The following NPAS3 variants were observed in gnomAD, a reference collection of about 807,000 sequenced individuals.
NPAS3 encodes the protein neuronal PAS domain-containing protein 3.
In NPAS3, 14 loss-of-function variants were observed where a neutral mutation model predicts 73.1. That is an observed-to-expected ratio of 0.19 (90% CI 0.13 to 0.30). The LOEUF (loss-of-function observed/expected upper bound fraction) is 0.30. Among genes scored for constraint, NPAS3 ranks in the 10% least tolerant of loss-of-function variants. NPAS3 has a pLI of 1.00. For synonymous variants in NPAS3, 620 were observed against 541.5 expected (o/e 1.14, Z -2.01); for missense variants, 1,096 against 1,250.0 (o/e 0.88, Z 1.86).
intron 7 of NPAS3, among the ~76,000 whole-genome samples, chr14:33,755,092 G>A (rs560665940): frequency 6.6e-6 from 1 of 152,160 alleles, no homozygotes; most frequent in African/African-American, 2.4e-5. Flanking sequence ...ATTTGACTTT[G>A]GGGAACTCAT....
chr14:33,746,992 G>A (rs1376248714), intron 7 of NPAS3, among the ~76,000 whole-genome samples: 2 of 150,878 alleles, frequency 1.3e-5, no homozygotes, highest in African/African-American at 4.9e-5. Flanking sequence ...AGAATATGCA[G>A]TGTTTGGTTT....
rs1270956502 is a variant in NPAS3, at chr14:33,800,473, C to T, written c.2166C>T (p.Asp722=). Reference sequence around the variant, plus strand: ...CGGTCCTCACCCCGCCCGGCGCCGACGGCGCGGCCGCCCGCAAGACTCAGT... The same window carrying T: ...CGGTCCTCACCCCGCCCGGCGCCGATGGCGCGGCCGCCCGCAAGACTCAGT... Residue 722 remains aspartate (D), a synonymous_variant, in exon 12 of 12, where the codon GAC becomes GAT. Coordinates refer to ENST00000356141, the Ensembl canonical transcript of NPAS3. This position sits in a 1 kb window ranked among gnomAD's most constrained non-coding sequence, Gnocchi z 6.5. The T allele has an allele frequency of 1.3e-6, 2 of 1,486,222 alleles. No homozygotes were observed. The highest frequency in any genetic ancestry group is 1.3e-5 in the South Asian group (1 of 76,310). The allele number at this position is 1,486,222 out of a possible 1,614,324, so 92.1% of individuals were successfully genotyped here. A position where few individuals can be genotyped will look rare whatever the true frequency, so the allele number is the denominator to read the frequency against.
chr14:33,069,471 A>G (rs566406381), intron 2 of NPAS3, among the ~76,000 whole-genome samples: 49 of 152,338 alleles, frequency 3.2e-4, no homozygotes, highest in African/African-American at 1.1e-3. Context: ...GCGGAATGCA[A>G]TAGGAGAATG....
At chr14:33,348,572 G>A (rs1219366268) in intron 3 of NPAS3, among the ~76,000 whole-genome samples, 1 of 152,172 alleles carries the variant, frequency 6.6e-6, no homozygotes, top group Non-Finnish European at 1.5e-5. Flanking sequence ...TCCAGGACAA[G>A]ATTGTTTATT....
At chr14:33,337,400 A>G (rs953449323) in intron 3 of NPAS3, among the ~76,000 whole-genome samples, 1 of 152,094 alleles carries the variant, frequency 6.6e-6, no homozygotes, top group East Asian at 1.9e-4. Context: ...TCAATTGACT[A>G]TACACATGAG....
chr14:33,364,052 T>C (rs1566834249), intron 3 of NPAS3, among the ~76,000 whole-genome samples: 1 of 152,122 alleles, frequency 6.6e-6, no homozygotes, highest in Non-Finnish European at 1.5e-5. Flanking sequence ...GTAGATCAGA[T>C]GAAACTGTGA....
chr14:33,142,191 CTTTTTTTTTTT>C (rs10709910), intron 2 of NPAS3, among the ~76,000 whole-genome samples: 1 of 38,084 alleles, frequency 2.6e-5, no homozygotes, highest in Admixed American at 4.2e-4. Flanking sequence ...TTTGTATAAG[CTTTTTTTTTTT>C]TTTTTTTTTT....
intron 7 of NPAS3, among the ~76,000 whole-genome samples, chr14:33,767,141 G>A (rs907358495): frequency 9.2e-5 from 14 of 152,134 alleles, no homozygotes; most frequent in African/African-American, 2.9e-4. Flanking sequence ...TGTTTTTTCA[G>A]GCCTTGTGCA....
intron 6 of NPAS3, among the ~76,000 whole-genome samples, chr14:33,732,419 TGA>T (rs902524462): frequency 6.6e-6 from 1 of 152,192 alleles, no homozygotes; most frequent in Non-Finnish European, 1.5e-5. Flanking sequence ...TCTTTTCACA[TGA>T]GAGACACCAT....
chr14:33,676,788 G>A (rs981473775), intron 6 of NPAS3, among the ~76,000 whole-genome samples: 1 of 152,168 alleles, frequency 6.6e-6, no homozygotes, highest in Non-Finnish European at 1.5e-5. Context: ...AAAAGTATCA[G>A]GGACTTGTAG....
intron 7 of NPAS3, among the ~76,000 whole-genome samples, chr14:33,741,628 C>G (rs1348935682): frequency 6.6e-6 from 1 of 152,122 alleles, no homozygotes; most frequent in African/African-American, 2.4e-5. Flanking sequence ...TTCCCATTAC[C>G]AAGGCATGAC....
At chr14:33,561,415 G>C (rs961538475) in intron 5 of NPAS3, among the ~76,000 whole-genome samples, 2 of 152,216 alleles carry the variant, frequency 1.3e-5, no homozygotes, top group African/African-American at 4.8e-5. Context: ...CAAGGGTCTG[G>C]TCTGTTAATG....
At chr14:33,571,846 G>T (rs1028273419) in intron 5 of NPAS3, among the ~76,000 whole-genome samples, 18 of 152,160 alleles carry the variant, frequency 1.2e-4, no homozygotes, top group South Asian at 2.1e-4. Flanking sequence ...AAGGCTTTTG[G>T]TAATAGCAAT....
intron 7 of NPAS3, among the ~76,000 whole-genome samples, chr14:33,736,231 C>T (rs1232924821): frequency 6.6e-6 from 1 of 152,190 alleles, no homozygotes; most frequent in Non-Finnish European, 1.5e-5. Context: ...CGGATGGTAA[C>T]AGCCAGTATC....
At chr14:33,333,908 C>A (rs2044098672) in intron 3 of NPAS3, among the ~76,000 whole-genome samples, 1 of 152,106 alleles carries the variant, frequency 6.6e-6, no homozygotes, top group Admixed American at 6.6e-5. Flanking sequence ...CCTCATTTGA[C>A]TATAATTTTC....
In NPAS3 at chr14:33,469,635, G is replaced by A. The variant is rs188705667; in HGVS notation, c.469-90486G>A. 3.9e-3 allele frequency among the ~76,000 whole-genome samples: 596 copies of A among 152,228 alleles called. 3 individuals carry two copies. Among genetic ancestry groups the A allele is most frequent in the African/African-American group, 0.014 (566 of 41,540 alleles). ...AAAAAATGTTCTTCTTTATAGCATG[G>A]ATCCCGCCAGTTACCTAGGCTGAGA... On this transcript the variant is annotated intron_variant, in intron 4 of 11. Transcript: ENST00000356141.
intron 1 of NPAS3, among the ~76,000 whole-genome samples, chr14:32,961,342 T>A (rs969908396): frequency 7.1e-6 from 1 of 140,968 alleles, no homozygotes; most frequent in African/African-American, 2.7e-5. Context: ...ACCAGGGAGG[T>A]GGAGGTTGCA....
At chr14:33,460,909 C>T (rs775355663) in intron 4 of NPAS3, among the ~76,000 whole-genome samples, 1 of 152,104 alleles carries the variant, frequency 6.6e-6, no homozygotes, top group African/African-American at 2.4e-5. Context: ...AGGAGGGTAA[C>T]ATTATTGGCC....
Position 33,793,822 on chromosome 14 carries a change from C to T in NPAS3, c.1154-75C>T. 3.6e-6 allele frequency: 5 copies of T among 1,391,518 alleles called. No individual in the cohort carries two copies. The Middle Eastern group carries it at 5.5e-4, about 152-fold the overall frequency. The allele number at this position is 1,391,518 out of a possible 1,614,324, so 86.2% of individuals were successfully genotyped here. ...TCCCATTTTTAGGCTTAAGGTTTTG[C>T]AGAGATAAAAAAAAAAAAAAAGTTA... is the stretch of plus-strand genomic sequence containing the variant. On this transcript the variant is annotated intron_variant, in intron 9 of 11. Coordinates refer to ENST00000356141, the Ensembl canonical transcript of NPAS3.
Sources: allele counts gnomAD v4.1 joint callset (sites outside exome capture counted in the v4.1 genomes callset), GRCh38; gene constraint gnomAD v4.1.1; non-coding constraint Gnocchi (gnomAD v3.1); transcripts MANE v1.5; gene names NCBI Gene and HGNC (gene_info 2026-07-23, HGNC 2026-07-21).